The following COL13A1 variants were observed in gnomAD, a reference collection of about 807,000 sequenced individuals.
COL13A1 encodes the protein collagen type XIII alpha 1 chain.
In COL13A1, 89 loss-of-function variants were observed where a neutral mutation model predicts 130.9. That is an observed-to-expected ratio of 0.68 (90% CI 0.57 to 0.81). The LOEUF (loss-of-function observed/expected upper bound fraction) is 0.81, where lower values mean the gene tolerates loss of function less well. COL13A1 is among the 30% of genes least tolerant of loss of function. The pLI, the probability that COL13A1 is intolerant of heterozygous loss-of-function variation, is 0.00. For missense variants in COL13A1, 879 were observed against 934.6 expected, an observed-to-expected ratio of 0.94 and a Z score of 0.78; for synonymous variants, 402 against 341.6, an observed-to-expected ratio of 1.18 and a Z score of -1.95.
In COL13A1 at chr10:69,802,422, G is replaced by A; in HGVS notation, c.-2G>A. On this transcript the variant is annotated 5_prime_UTR_variant, in exon 1 of 41. Coordinates refer to ENST00000645393, the MANE Select transcript of COL13A1 (RefSeq NM_001368882.1). ...ATTTATTGGTTCTCAAGACGCGAGA[G>A]GATGGTAGCGGAGCGCACCCACAAA... is the stretch of plus-strand genomic sequence containing the variant. 6.7e-7 allele frequency: 1 copy of A among 1,491,586 alleles called. No individual in the cohort carries two copies. Among genetic ancestry groups the A allele is most frequent in the Non-Finnish European group, 8.9e-7 (1 of 1,127,436 alleles). 92.4% of individuals were successfully genotyped at this position (1,491,586 alleles called of 1,614,324 possible).
intron 2 of COL13A1, among the ~76,000 whole-genome samples, chr10:69,833,028 C>T (rs926464411): frequency 2.6e-5 from 4 of 152,120 alleles, no homozygotes; most frequent in African/African-American, 4.8e-5. Context: ...GAAGGTAGAC[C>T]GCAGCACGCA....
chr10:69,910,338 T>C (rs1290853221), intron 17 of COL13A1, among the ~76,000 whole-genome samples: 1 of 152,002 alleles, frequency 6.6e-6, no homozygotes, highest in African/African-American at 2.4e-5. Context: ...GCCATGTGAC[T>C]GCCTCTTGAG....
intron 5 of COL13A1, 78 bp from the exon 6 acceptor site, chr10:69,877,961 G>A: frequency 1.4e-6 from 1 of 691,208 alleles, no homozygotes; most frequent in Non-Finnish European, 2.7e-6. Flanking sequence ...TCTCGTGTGG[G>A]TGCCTCTTTC....
chr10:69,891,883 C>T (rs2061209112), intron 10 of COL13A1, among the ~76,000 whole-genome samples: 1 of 152,198 alleles, frequency 6.6e-6, no homozygotes, highest in Non-Finnish European at 1.5e-5. Flanking sequence ...CCACAAAGCT[C>T]CTAAATACAA....
intron 40 of COL13A1, among the ~76,000 whole-genome samples, 162 bp from the exon 41 acceptor site, chr10:69,958,537 C>T (rs1443374757): frequency 6.6e-6 from 1 of 152,162 alleles, no homozygotes; most frequent in Non-Finnish European, 1.5e-5. Context: ...GAGCTAAGGT[C>T]GCCACCAGTT....
chr10:69,942,334 GTTA>G (rs1270467941), intron 35 of COL13A1, among the ~76,000 whole-genome samples: 1 of 152,184 alleles, frequency 6.6e-6, no homozygotes, highest in African/African-American at 2.4e-5. Flanking sequence ...GCTTCCAGGA[GTTA>G]TTATGGCTTT....
At chr10:69,870,234 G>C (rs947999207) in intron 3 of COL13A1, among the ~76,000 whole-genome samples, 3 of 151,920 alleles carry the variant, frequency 2.0e-5, no homozygotes, top group African/African-American at 4.8e-5. Flanking sequence ...AAAGCATAAG[G>C]CTTCCCTAGA....
intron 2 of COL13A1, among the ~76,000 whole-genome samples, chr10:69,866,316 C>T (rs1341933483): frequency 1.3e-5 from 2 of 152,194 alleles, no homozygotes; most frequent in African/African-American, 4.8e-5. Context: ...CAGAGCCTGC[C>T]ACAGTGGGAG....
intron 2 of COL13A1, among the ~76,000 whole-genome samples, chr10:69,867,333 G>A (rs976752520): frequency 1.5e-4 from 23 of 152,244 alleles, no homozygotes; most frequent in African/African-American, 2.9e-4. Context: ...GGCCATCCAC[G>A]CCCGCCCCTG....
intron 1 of COL13A1, among the ~76,000 whole-genome samples, chr10:69,814,971 CTT>C (rs1184203741): frequency 2.0e-5 from 3 of 152,230 alleles, no homozygotes; most frequent in Non-Finnish European, 1.5e-5. Context: ...AATATTAACT[CTT>C]GTTTAATAAT....
intron 2 of COL13A1, among the ~76,000 whole-genome samples, chr10:69,832,726 C>G (rs1038106375): frequency 6.6e-6 from 1 of 152,150 alleles, no homozygotes; most frequent in Non-Finnish European, 1.5e-5. Context: ...TGTTGGAGGG[C>G]CTTGGAACCC....
chr10:69,826,018 C>T (rs1044775848), intron 2 of COL13A1, among the ~76,000 whole-genome samples: 1 of 152,170 alleles, frequency 6.6e-6, no homozygotes, highest in African/African-American at 2.4e-5. Context: ...GCCATTTGCA[C>T]AGCATATGGC....
intron 12 of COL13A1, 132 bp downstream of exon 12, chr10:69,894,833 G>C: frequency 8.2e-7 from 1 of 1,218,396 alleles, no homozygotes; most frequent in Non-Finnish European, 1.2e-6. Context: ...CCGAGGTGCC[G>C]CATAATAGAT....
intron 4 of COL13A1, among the ~76,000 whole-genome samples, chr10:69,873,114 G>T (rs941355657): frequency 6.6e-6 from 1 of 152,142 alleles, no homozygotes; most frequent in East Asian, 1.9e-4. Flanking sequence ...GCCGGAATCG[G>T]GTATGGAGAG....
intron 12 of COL13A1, 50 bp downstream of exon 12, chr10:69,894,751 C>T: frequency 6.2e-7 from 1 of 1,610,456 alleles, no homozygotes; most frequent in Non-Finnish European, 8.5e-7. Flanking sequence ...AAATGGCCTC[C>T]CAGTTGGTAG....
At chr10:69,926,164 C>T (rs531388922) in intron 26 of COL13A1, among the ~76,000 whole-genome samples, 19 of 152,362 alleles carry the variant, frequency 1.2e-4, no homozygotes, top group South Asian at 4.1e-4. Context: ...ATTATCCTGG[C>T]ACCCCACAAG....
intron 29 of COL13A1, 55 bp downstream of exon 29, chr10:69,930,142 C>T: frequency 3.2e-6 from 5 of 1,576,992 alleles, no homozygotes; most frequent in South Asian, 1.1e-5. Flanking sequence ...GCCCTGGGGG[C>T]AGGAGGTCGG....
At chr10:69,837,333 G>A (rs1162441552) in intron 2 of COL13A1, among the ~76,000 whole-genome samples, 1 of 152,178 alleles carries the variant, frequency 6.6e-6, no homozygotes, top group Non-Finnish European at 1.5e-5. Context: ...AGCTCCAGCT[G>A]TATCATTCTT....
At chr10:69,947,227 TGA>T in intron 37 of COL13A1, 78 bp from the exon 38 acceptor site, 1 of 1,305,776 alleles carries the variant, frequency 7.7e-7, no homozygotes, top group African/African-American at 1.5e-5. Flanking sequence ...TGGGAGAGTT[TGA>T]TGAGCCTGGA....
Sources: gnomAD v4.1 joint callset for allele counts (sites outside exome capture counted in the v4.1 genomes callset) on GRCh38, gnomAD v4.1.1 for gene constraint, MANE v1.5 for transcripts, NCBI Gene and HGNC (gene_info 2026-07-23, HGNC 2026-07-21) for gene names.